Variants in RAPGEF5 observed in about 807,000 individuals in gnomAD.
The protein encoded by RAPGEF5 is M-Ras-regulated GEF.
RAPGEF5 carries 65 observed loss-of-function variants against 125.2 expected under a neutral mutation model. The observed-to-expected ratio is 0.52, with a 90% CI of 0.43 to 0.64. The LOEUF (loss-of-function observed/expected upper bound fraction) is 0.64, where lower values mean the gene tolerates loss of function less well. RAPGEF5 is among the 30% of genes least tolerant of loss of function. RAPGEF5 has a pLI of 0.00. For synonymous variants in RAPGEF5, 391 were observed against 385.9 expected (o/e 1.01, Z -0.16); for missense variants, 958 against 1,048.1 (o/e 0.91, Z 1.19).
At chr7:22,176,137 G>A (rs1309897703) in intron 11 of RAPGEF5, among the ~76,000 whole-genome samples, 1 of 152,082 alleles carries the variant, frequency 6.6e-6, no homozygotes, top group Non-Finnish European at 1.5e-5. Flanking sequence ...CGTGTCAAAG[G>A]CAAAACAGCG....
chr7:22,131,227 G>C, intron 23 of RAPGEF5, 126 bp from the exon 24 acceptor site: 1 of 1,221,264 alleles, frequency 8.2e-7, no homozygotes. Flanking sequence ...CCATGCACTT[G>C]GAGAGGCAAT....
chr7:22,325,346 A>G (rs1166811379), intron 1 of RAPGEF5, among the ~76,000 whole-genome samples: 1 of 152,278 alleles, frequency 6.6e-6, no homozygotes, highest in Admixed American at 6.5e-5. Context: ...ATTTATTTCC[A>G]ACATCACACT....
intron 7 of RAPGEF5, among the ~76,000 whole-genome samples, chr7:22,236,458 G>A (rs373318836): frequency 2.6e-5 from 4 of 152,266 alleles, no homozygotes; most frequent in Admixed American, 1.3e-4. Context: ...TTAATACGGC[G>A]TGAGGACACG....
At chr7:22,303,656 C>G (rs567135213) in intron 5 of RAPGEF5, among the ~76,000 whole-genome samples, 14 of 152,190 alleles carry the variant, frequency 9.2e-5, no homozygotes, top group African/African-American at 3.4e-4. Context: ...AAAAGGAACA[C>G]AAAATTGGGT....
At chr7:22,264,268 C>A (rs999754308) in intron 7 of RAPGEF5, among the ~76,000 whole-genome samples, 1 of 152,152 alleles carries the variant, frequency 6.6e-6, no homozygotes, top group Non-Finnish European at 1.5e-5. Context: ...ATATACTGAA[C>A]AACTGCTTTC....
At chr7:22,257,039 G>A (rs1786779771) in intron 7 of RAPGEF5, among the ~76,000 whole-genome samples, 1 of 152,040 alleles carries the variant, frequency 6.6e-6, no homozygotes, top group Admixed American at 6.6e-5. Context: ...TTTTATTTCT[G>A]TTTGTACAGT....
chr7:22,339,688 G>A (rs543043215), intron 1 of RAPGEF5, among the ~76,000 whole-genome samples: 1 of 152,334 alleles, frequency 6.6e-6, no homozygotes, highest in East Asian at 1.9e-4. Flanking sequence ...TTTGTCTTGT[G>A]TTTAGCCTTA....
chr7:22,146,720 C>T (rs1433751278), intron 19 of RAPGEF5, among the ~76,000 whole-genome samples, 177 bp downstream of exon 19: 5 of 152,146 alleles, frequency 3.3e-5, no homozygotes, highest in Non-Finnish European at 4.4e-5. Context: ...TAAAAGCATG[C>T]TCACATATTC....
chr7:22,271,182 T>TA (rs1268302499), intron 6 of RAPGEF5, among the ~76,000 whole-genome samples: 1 of 151,958 alleles, frequency 6.6e-6, no homozygotes, highest in East Asian at 1.9e-4. Context: ...TGGAGAGGTT[T>TA]AAAAAAAATA....
chr7:22,159,879 T>C (rs906855332), intron 14 of RAPGEF5, among the ~76,000 whole-genome samples: 6 of 152,014 alleles, frequency 3.9e-5, no homozygotes, highest in Admixed American at 6.6e-5. Flanking sequence ...GAGGCTGAGG[T>C]GGGCGAATCA....
chr7:22,344,653 T>G (rs538420753), intron 1 of RAPGEF5, among the ~76,000 whole-genome samples: 5 of 152,302 alleles, frequency 3.3e-5, no homozygotes, highest in African/African-American at 1.2e-4. Context: ...AAAGGCAGCC[T>G]CCACGGTGCA....
rs963184066 is a variant in RAPGEF5, at chr7:22,230,700, A to G, written c.870+146T>C. The stretch of plus-strand genomic sequence containing the variant: ...GACCCTTTGTGTGAAATACCTTTAT[A>G]TCAAAACTGAGCACTTTATTCCCAA... On this transcript the variant is annotated intron_variant, in intron 8 of 25. Transcript: ENST00000665637. 28 of 696,386 alleles carry G rather than the reference A, an allele frequency of 4.0e-5. No homozygotes were observed. The African/African-American group carries it at 4.2e-4, about 10-fold the overall frequency. 43.1% of individuals were successfully genotyped at this position (696,386 alleles called of 1,614,324 possible).
intron 9 of RAPGEF5, 113 bp downstream of exon 9, chr7:22,219,753 A>C (rs1785733637): frequency 2.2e-6 from 3 of 1,380,978 alleles, no homozygotes; most frequent in East Asian, 2.4e-5. Context: ...GGGGAAAAAA[A>C]CCCCCAAAAC....
chr7:22,213,932 T>C (rs189052467), intron 9 of RAPGEF5, among the ~76,000 whole-genome samples: 6 of 152,328 alleles, frequency 3.9e-5, no homozygotes, highest in Admixed American at 3.9e-4. Context: ...TAGTATTTCA[T>C]ATAGAGTAAA....
At chr7:22,133,729 A>T (rs17146306) in intron 23 of RAPGEF5, among the ~76,000 whole-genome samples, 31,773 of 152,116 alleles carry the variant, frequency 0.21, 4,325 homozygotes, top group African/African-American at 0.38. Flanking sequence ...TAGCACATGA[A>T]CTACGACTCC....
chr7:22,246,419 AG>A (rs1786478581), intron 7 of RAPGEF5, among the ~76,000 whole-genome samples: 1 of 152,164 alleles, frequency 6.6e-6, no homozygotes, highest in African/African-American at 2.4e-5. Flanking sequence ...CTAGAAATAA[AG>A]CTGCACACCT....
At position 22,158,632 on chromosome 7, in the gene RAPGEF5, A is replaced by T. The variant is rs188183523; in HGVS notation, c.1527-747T>A. Reference sequence around the variant, plus strand: ...AATCTTATAAAAATAGACAAAAATCATTTTTTTTTTTGAGACAGAGTCTCA... The same window carrying T: ...AATCTTATAAAAATAGACAAAAATCTTTTTTTTTTTTGAGACAGAGTCTCA... On this transcript the variant is annotated intron_variant, in intron 14 of 25. Coordinates refer to ENST00000665637, the MANE Select transcript of RAPGEF5 (RefSeq NM_012294.5). 2.9e-3 allele frequency among the ~76,000 whole-genome samples: 428 copies of T among 148,730 alleles called. 3 individuals are homozygous for T. The highest frequency in any genetic ancestry group is 9.7e-3 in the African/African-American group (394 of 40,752).
intron 19 of RAPGEF5, among the ~76,000 whole-genome samples, chr7:22,145,777 T>C (rs770926085): frequency 3.9e-5 from 6 of 152,186 alleles, no homozygotes; most frequent in Non-Finnish European, 8.8e-5. Context: ...GTCCCGCTGA[T>C]GATGCTGGTC....
intron 9 of RAPGEF5, among the ~76,000 whole-genome samples, chr7:22,195,531 C>T (rs189038279): frequency 3.3e-5 from 5 of 152,220 alleles, no homozygotes; most frequent in Admixed American, 3.3e-4. Flanking sequence ...CAAGGTCAGA[C>T]GCGTGCAGTT....
Sources: gnomAD v4.1 joint callset for allele counts (sites outside exome capture counted in the v4.1 genomes callset) on GRCh38, gnomAD v4.1.1 for gene constraint, MANE v1.5 for transcripts, NCBI Gene and HGNC (gene_info 2026-07-23, HGNC 2026-07-21) for gene names.